Variants in PCDH7 observed in about 807,000 individuals in gnomAD.
PCDH7 encodes the protein protocadherin-7.
PCDH7 carries 17 observed loss-of-function variants against 58.9 expected under a neutral mutation model. That is an observed-to-expected ratio of 0.29 (90% CI 0.20 to 0.43). The LOEUF is 0.43. PCDH7 is among the 20% of genes least tolerant of loss of function. PCDH7 has a pLI of 1.00. For synonymous variants in PCDH7, 664 were observed against 616.4 expected (o/e 1.08, Z -1.14); for missense variants, 1,274 against 1,441.0 (o/e 0.88, Z 1.88).
At chr4:30,977,911 C>T (rs4466009) in intron 3 of PCDH7, among the ~76,000 whole-genome samples, 57,704 of 151,962 alleles carry the variant, frequency 0.38, 12,855 homozygotes, top group African/African-American at 0.63. Context: ...ATTAAAATAA[C>T]GTGGTGGAGA....
chr4:30,756,303 C>T (rs1453814926), intron 1 of PCDH7, among the ~76,000 whole-genome samples: 1 of 152,002 alleles, frequency 6.6e-6, no homozygotes, highest in Non-Finnish European at 1.5e-5. Flanking sequence ...ACCCAGACAC[C>T]TCCCACTAGT....
chr4:31,030,779 T>C (rs1754841155), intron 3 of PCDH7, among the ~76,000 whole-genome samples: 1 of 152,212 alleles, frequency 6.6e-6, no homozygotes, highest in Non-Finnish European at 1.5e-5. Flanking sequence ...AACTTGTCTA[T>C]ACCATTCTTC....
chr4:31,089,334 T>A (rs1474655475), intron 3 of PCDH7, among the ~76,000 whole-genome samples: 1 of 152,108 alleles, frequency 6.6e-6, no homozygotes, highest in Admixed American at 6.6e-5. Context: ...AAAAAACACA[T>A]ATGCCTTTTA....
At position 31,113,426 on chromosome 4, in the gene PCDH7, T is replaced by A. The variant is rs141621017; in HGVS notation, c.*8-29047T>A. Reference sequence around the variant, plus strand: ...TACTTAAGTATTACATCTTAAAAGCTATACTTAACCAGAATATAAAAGATC... The same window carrying A: ...TACTTAAGTATTACATCTTAAAAGCAATACTTAACCAGAATATAAAAGATC... On this transcript the variant is annotated intron_variant, in intron 3 of 3. Coordinates refer to the PCDH7 transcript ENST00000509759. Among the ~76,000 whole-genome samples the A allele has an allele frequency of 1.5e-3, 222 of 152,354 alleles. 2 individuals carry two copies. The highest frequency in any genetic ancestry group is 5.1e-3 in the African/African-American group (212 of 41,582).
chr4:31,108,066 T>C (rs956369087), intron 3 of PCDH7, among the ~76,000 whole-genome samples: 2 of 152,026 alleles, frequency 1.3e-5, no homozygotes, highest in Non-Finnish European at 1.5e-5. Context: ...CAAAGAAAAC[T>C]ACAGAAAAGG....
At chr4:30,864,614 C>T (rs976119649) in intron 1 of PCDH7, among the ~76,000 whole-genome samples, 6 of 151,970 alleles carry the variant, frequency 3.9e-5, no homozygotes, top group Non-Finnish European at 1.5e-5. Context: ...TAAAGTCAGT[C>T]CATACAAATT....
intron 3 of PCDH7, among the ~76,000 whole-genome samples, chr4:31,099,620 A>G (rs1021432229): frequency 6.6e-6 from 1 of 152,242 alleles, no homozygotes; most frequent in Admixed American, 6.5e-5. Context: ...TATCTGTTTG[A>G]TTCTTATTAA....
intron 3 of PCDH7, among the ~76,000 whole-genome samples, chr4:30,967,380 T>G (rs974295600): frequency 3.3e-5 from 5 of 152,146 alleles, no homozygotes; most frequent in African/African-American, 1.2e-4. Flanking sequence ...ATATTTAGAA[T>G]CAAGCAATTC....
chr4:31,050,378 A>G (rs958753271), intron 3 of PCDH7, among the ~76,000 whole-genome samples: 12 of 152,186 alleles, frequency 7.9e-5, no homozygotes, highest in African/African-American at 2.9e-4. Flanking sequence ...AGTCTGGAAA[A>G]TAAATTTTAC....
intron 1 of PCDH7, chr4:30,725,008 T>A: frequency 2.0e-6 from 2 of 1,012,196 alleles, no homozygotes; most frequent in East Asian, 2.1e-4. Context: ...CTAAAGTTAC[T>A]ACTGGTGTCT....
intron 3 of PCDH7, among the ~76,000 whole-genome samples, chr4:30,960,513 C>A (rs542939066): frequency 6.6e-6 from 1 of 152,104 alleles, no homozygotes; most frequent in African/African-American, 2.4e-5. Flanking sequence ...AACTCTTACA[C>A]AGTAGTCACA....
At chr4:30,948,494 C>T (rs34295950) in intron 2 of PCDH7, among the ~76,000 whole-genome samples, 3,086 of 152,098 alleles carry the variant, frequency 0.02, 47 homozygotes, top group Non-Finnish European at 0.032. Context: ...CTTTATTTTA[C>T]TGAAATGCAG....
intron 3 of PCDH7, among the ~76,000 whole-genome samples, chr4:31,135,598 C>T (rs186424079): frequency 1.3e-5 from 2 of 152,246 alleles, no homozygotes; most frequent in East Asian, 3.9e-4. Context: ...AATAAATTAT[C>T]TGAAACCCTT....
At chr4:30,763,872 T>G (rs890832827) in intron 1 of PCDH7, among the ~76,000 whole-genome samples, 2 of 152,148 alleles carry the variant, frequency 1.3e-5, no homozygotes, top group African/African-American at 4.8e-5. Flanking sequence ...TGTGTAACCT[T>G]TACTATTTGG....
intron 1 of PCDH7, among the ~76,000 whole-genome samples, chr4:30,738,621 G>T (rs1179754987): frequency 6.6e-6 from 1 of 151,934 alleles, no homozygotes; most frequent in Non-Finnish European, 1.5e-5. Context: ...GTGCATGAGG[G>T]TATATTAATT....
chr4:30,987,164 A>C (rs1751046866), intron 3 of PCDH7, among the ~76,000 whole-genome samples: 1 of 152,116 alleles, frequency 6.6e-6, no homozygotes, highest in African/African-American at 2.4e-5. Flanking sequence ...ATTCTTCTAC[A>C]CTACTCCAAA....
At chr4:30,727,339 G>A (rs1714752996) in intron 1 of PCDH7, among the ~76,000 whole-genome samples, 1 of 151,892 alleles carries the variant, frequency 6.6e-6, no homozygotes, top group African/African-American at 2.4e-5. Flanking sequence ...CAGCTTTGTA[G>A]AAATGAAAGT....
At chr4:31,059,402 A>G (rs889028693) in intron 3 of PCDH7, among the ~76,000 whole-genome samples, 1 of 151,652 alleles carries the variant, frequency 6.6e-6, no homozygotes, top group African/African-American at 2.4e-5. Context: ...AGGTATAGTT[A>G]TCCAGGCCTC....
chr4:30,995,618 T>C (rs1193575916), intron 3 of PCDH7, among the ~76,000 whole-genome samples: 1 of 152,138 alleles, frequency 6.6e-6, no homozygotes, highest in Non-Finnish European at 1.5e-5. Flanking sequence ...TTTATTATCT[T>C]ACAGTTCTGG....
Sources: allele counts gnomAD v4.1 joint callset (sites outside exome capture counted in the v4.1 genomes callset), GRCh38; gene constraint gnomAD v4.1.1; transcripts MANE v1.5; gene names NCBI Gene and HGNC (gene_info 2026-07-23, HGNC 2026-07-21).